PRKN: variants seen among roughly 807,000 people sequenced by gnomAD.
PRKN encodes the protein parkin RBR E3 ubiquitin protein ligase.
Under a neutral mutation model 59.5 loss-of-function variants are expected in PRKN, and 56 were observed. That is an observed-to-expected ratio of 0.94 (90% CI 0.76 to 1.18). PRKN has a LOEUF of 1.18. Ranked by LOEUF, PRKN falls within the 50% of genes most tolerant of loss-of-function variation. The pLI is 0.00. For missense variants in PRKN, 657 were observed against 596.4 expected (o/e 1.10, Z -1.06); for synonymous variants, 250 against 222.1 (o/e 1.13, Z -1.12).
rs563300169 is a variant in PRKN, at chr6:161,497,059, C to T, written c.1083+51795G>A. Among the ~76,000 whole-genome samples the T allele has an allele frequency of 1.2e-4, 19 of 152,316 alleles. No individual in the cohort carries two copies. Among genetic ancestry groups the T allele is most frequent in the Admixed American group, 2.6e-4 (4 of 15,306 alleles). ...AGCAAATACATCAAGGCAGAAAACC[C>T]GTCACAAACCTGCTGGCATGCCCGT... On this transcript the variant is annotated intron_variant, in intron 9 of 11. Transcript: ENST00000366898. This position sits in a 1 kb window ranked among gnomAD's most constrained non-coding sequence, Gnocchi z 4.6.
At chr6:162,010,244 A>C (rs1003156365) in intron 5 of PRKN, among the ~76,000 whole-genome samples, 1 of 119,746 alleles carries the variant, frequency 8.4e-6, no homozygotes, top group African/African-American at 3.0e-5. Flanking sequence ...TTATATATTT[A>C]TTATACATAA....
intron 4 of PRKN, among the ~76,000 whole-genome samples, chr6:162,158,891 A>T (rs1782641924): frequency 6.6e-6 from 1 of 151,960 alleles, no homozygotes; most frequent in Non-Finnish European, 1.5e-5. Context: ...TAGTGCGCCC[A>T]TGTTAAAGCT....
intron 9 of PRKN, among the ~76,000 whole-genome samples, chr6:161,437,909 C>T (rs1046686270): frequency 3.3e-5 from 5 of 152,040 alleles, no homozygotes; most frequent in African/African-American, 1.2e-4. Flanking sequence ...GTATATCTAC[C>T]AAAGGCAGGT....
intron 2 of PRKN, among the ~76,000 whole-genome samples, chr6:162,438,409 C>T (rs980903435): frequency 4.6e-5 from 7 of 151,926 alleles, no homozygotes; most frequent in African/African-American, 1.2e-4. Flanking sequence ...TCCAAAATTC[C>T]TTTTTTTGTT....
chr6:162,201,467 A>G (rs1784728397), intron 3 of PRKN, among the ~76,000 whole-genome samples: 1 of 152,194 alleles, frequency 6.6e-6, no homozygotes, highest in Non-Finnish European at 1.5e-5. Context: ...CTCTCTTGCC[A>G]ACAGCCCTGT....
chr6:162,643,174 G>C (rs2128224937), intron 1 of PRKN, among the ~76,000 whole-genome samples: 1 of 152,060 alleles, frequency 6.6e-6, no homozygotes, highest in Non-Finnish European at 1.5e-5. Context: ...GAGGTGGGTG[G>C]ATCACCTGAG....
chr6:161,691,812 G>C (rs1359702564), intron 7 of PRKN, among the ~76,000 whole-genome samples: 2 of 152,232 alleles, frequency 1.3e-5, no homozygotes, highest in Non-Finnish European at 2.9e-5. Context: ...GACAGCAAGA[G>C]TGTTGGGTGA....
intron 1 of PRKN, among the ~76,000 whole-genome samples, chr6:162,536,803 G>T (rs761676834): frequency 2.0e-5 from 3 of 152,130 alleles, no homozygotes; most frequent in Non-Finnish European, 4.4e-5. Flanking sequence ...TGAAGCCTAT[G>T]TTCAATTACA....
intron 6 of PRKN, among the ~76,000 whole-genome samples, chr6:161,837,429 G>C (rs1792804584): frequency 6.6e-6 from 1 of 152,176 alleles, no homozygotes; most frequent in Middle Eastern, 3.2e-3. Flanking sequence ...GGTATCAACA[G>C]AGAATTTACA....
intron 9 of PRKN, among the ~76,000 whole-genome samples, chr6:161,404,810 G>C (rs1010835204): frequency 6.6e-6 from 1 of 152,210 alleles, no homozygotes; most frequent in African/African-American, 2.4e-5. Context: ...AAATGGCACA[G>C]ATGGCCACAC....
At chr6:161,773,431 T>C (rs1212601256) in intron 7 of PRKN, among the ~76,000 whole-genome samples, 1 of 152,168 alleles carries the variant, frequency 6.6e-6, no homozygotes, top group Admixed American at 6.5e-5. Context: ...CATTCTACTA[T>C]CTGTTTATCT....
In PRKN at chr6:161,393,612, G is replaced by A. The variant is rs1786613602; in HGVS notation, c.1084-6735C>T. 6.6e-6 allele frequency among the ~76,000 whole-genome samples: 1 copy of A among 152,074 alleles called. No homozygotes were observed. Among genetic ancestry groups the A allele is most frequent in the Non-Finnish European group, 1.5e-5 (1 of 68,020 alleles). On this transcript the variant is annotated intron_variant, in intron 9 of 11. Coordinates refer to ENST00000366898, the MANE Select transcript of PRKN (RefSeq NM_004562.3). This position sits in a 1 kb window ranked among gnomAD's most constrained non-coding sequence, Gnocchi z 4.7. ...AAGGGGCTGTATGTGTACTTTCTCT[G>A]TGGAAGCATGAAAAGGAAGCAAATG...
At chr6:161,658,030 A>AAAAAAAAAAAAG (rs781518268) in intron 7 of PRKN, among the ~76,000 whole-genome samples, 3,028 of 104,524 alleles carry the variant, frequency 0.029, 215 homozygotes, top group East Asian at 0.055. Context: ...AAAAAAAAAA[A>AAAAAAAAAAAAG]AAAAGAAAAG....
chr6:161,607,899 G>C (rs1782342223), intron 7 of PRKN, among the ~76,000 whole-genome samples: 1 of 152,190 alleles, frequency 6.6e-6, no homozygotes, highest in African/African-American at 2.4e-5. Context: ...GGGAGAACAG[G>C]AACAAGAATC....
At chr6:161,472,027 C>T (rs186007765) in intron 9 of PRKN, among the ~76,000 whole-genome samples, 101 of 151,776 alleles carry the variant, frequency 6.7e-4, no homozygotes, top group African/African-American at 2.4e-3. Context: ...TTTGAAAAAC[C>T]TAATCTAGTA....
intron 7 of PRKN, among the ~76,000 whole-genome samples, chr6:161,674,129 C>A (rs1259851448): frequency 6.6e-6 from 1 of 152,044 alleles, no homozygotes; most frequent in Non-Finnish European, 1.5e-5. Flanking sequence ...GAGAAGGGGT[C>A]TAAGACTAAG....
rs532066263 is a variant in PRKN at position 161,950,902 on chromosome 6, T to C, written c.734+22400A>G. On this transcript the variant is annotated intron_variant, in intron 6 of 11. Coordinates refer to ENST00000366898, the MANE Select transcript of PRKN (RefSeq NM_004562.3). ...TTCAGGAGAAGGAAGGGCAGCAGAG[T>C]GAAGACACTGAAACAAGAATCGGAA... Among the ~76,000 whole-genome samples, 3 of 151,380 alleles carry C rather than the reference T, an allele frequency of 2.0e-5. No homozygotes were observed. The East Asian group carries it at 5.9e-4, about 30-fold the overall frequency.
rs74382501 is a variant in PRKN, at chr6:161,987,093, A to G, written c.619-13676T>C. On this transcript the variant is annotated intron_variant, in intron 5 of 11. Transcript: ENST00000366898. ...GCAGGCAGCACAAGCCATCATAAACATTCCACTCAAGATAAACTGGGCAAA... is the reference window on the plus strand; with the variant it reads ...GCAGGCAGCACAAGCCATCATAAACGTTCCACTCAAGATAAACTGGGCAAA... 7.3e-3 allele frequency among the ~76,000 whole-genome samples: 1,114 copies of G among 152,330 alleles called. 16 individuals carry two copies. The highest frequency in any genetic ancestry group is 0.025 in the African/African-American group (1,056 of 41,582).
chr6:162,631,712 T>G (rs1783115978), intron 1 of PRKN, among the ~76,000 whole-genome samples: 1 of 152,180 alleles, frequency 6.6e-6, no homozygotes, highest in African/African-American at 2.4e-5. Flanking sequence ...CACTTGTTTA[T>G]TTTTGTTCTT....
Sources: gnomAD v4.1 joint callset for allele counts (sites outside exome capture counted in the v4.1 genomes callset) on GRCh38, gnomAD v4.1.1 for gene constraint, Gnocchi (gnomAD v3.1) non-coding constraint, MANE v1.5 for transcripts, NCBI Gene and HGNC (gene_info 2026-07-23, HGNC 2026-07-21) for gene names.